The following CHRM2 variants were observed in gnomAD, a reference collection of about 807,000 sequenced individuals.
CHRM2 encodes muscarinic acetylcholine receptor M2.
In CHRM2, 8 loss-of-function variants were observed where a neutral mutation model predicts 25.0. The observed-to-expected ratio is 0.32, with a 90% confidence interval of 0.19 to 0.58. The LOEUF (loss-of-function observed/expected upper bound fraction) is 0.58, where lower values mean the gene tolerates loss of function less well. Among genes scored for constraint, CHRM2 ranks in the 20% least tolerant of loss-of-function variants. CHRM2 has a pLI of 0.88. For synonymous variants in CHRM2, 202 were observed against 205.7 expected (o/e 0.98, Z 0.15); for missense variants, 440 against 567.1 (o/e 0.78, Z 2.28).
chr7:137,000,558 AGG>A, intron 3 of CHRM2, among the ~76,000 whole-genome samples: 1 of 147,006 alleles, frequency 6.8e-6, no homozygotes, highest in Non-Finnish European at 1.5e-5. Flanking sequence ...GAAGGAAGGA[AGG>A]AAGGAAGGAA....
intron 2 of CHRM2, among the ~76,000 whole-genome samples, chr7:136,880,450 C>T (rs1281324916): frequency 6.6e-6 from 1 of 151,890 alleles, no homozygotes; most frequent in South Asian, 2.1e-4. Flanking sequence ...TTGCAGTAAA[C>T]ATTTGACTAC....
intron 2 of CHRM2, chr7:136,899,854 G>C (rs1470573487): frequency 6.6e-6 from 1 of 152,016 alleles, no homozygotes; most frequent in African/African-American, 2.4e-5. Flanking sequence ...CAGGAGTTAT[G>C]GGCTAGGTGA....
intron 2 of CHRM2, among the ~76,000 whole-genome samples, chr7:136,905,971 ATTTG>A (rs1316395980): frequency 6.6e-6 from 1 of 151,126 alleles, no homozygotes; most frequent in Non-Finnish European, 1.5e-5. Context: ...TCAAATTAGC[ATTTG>A]TTTATTTCAC....
intron 2 of CHRM2, among the ~76,000 whole-genome samples, chr7:136,971,788 T>C (rs1452109787): frequency 2.2e-5 from 3 of 136,624 alleles, no homozygotes; most frequent in Non-Finnish European, 4.9e-5. Context: ...AAGAGTTTGG[T>C]AAAAATCTGC....
intron 3 of CHRM2, among the ~76,000 whole-genome samples, chr7:137,008,005 T>C (rs324647): frequency 0.14 from 21,923 of 152,086 alleles, 1,914 homozygotes; most frequent in African/African-American, 0.22. Context: ...TTAGTGGGAT[T>C]AACTGAATAT....
chr7:136,994,575 G>C (rs1398504335), intron 3 of CHRM2, among the ~76,000 whole-genome samples: 1 of 117,840 alleles, frequency 8.5e-6, no homozygotes, highest in African/African-American at 3.4e-5. Context: ...TTGTTGCCTA[G>C]GCTGAAGTGC....
intron 2 of CHRM2, among the ~76,000 whole-genome samples, chr7:136,946,982 C>T (rs527757842): frequency 6.6e-6 from 1 of 152,222 alleles, no homozygotes; most frequent in East Asian, 1.9e-4. Flanking sequence ...AGATGGTATG[C>T]CCAGGGGAGC....
Position 137,019,236 on chromosome 7 carries a change from A to G in CHRM2, c.*2970A>G, listed in dbSNP as rs1419031910. The stretch of plus-strand genomic sequence containing the variant: ...ATTCCTCACCTGTTAGAAAAAGGTA[A>G]TACTCACCAACCATGTATCAGAAAA... On this transcript the variant is annotated 3_prime_UTR_variant, in exon 4 of 4. Transcript: ENST00000680005. 1 of 151,908 alleles carries G rather than the reference A, an allele frequency of 6.6e-6. No homozygotes were observed. The highest frequency in any genetic ancestry group is 1.5e-5 in the Non-Finnish European group (1 of 67,918). The allele number at this position is 151,908 out of a possible 1,614,324, so 9.4% of individuals were successfully genotyped here.
At chr7:136,907,636 T>C (rs1797625738) in intron 2 of CHRM2, among the ~76,000 whole-genome samples, 1 of 152,082 alleles carries the variant, frequency 6.6e-6, no homozygotes, top group Non-Finnish European at 1.5e-5. Flanking sequence ...GCAGCTTATG[T>C]AATATGCTTC....
intron 2 of CHRM2, among the ~76,000 whole-genome samples, chr7:136,960,063 G>A (rs1297079991): frequency 6.6e-6 from 1 of 152,216 alleles, no homozygotes; most frequent in Non-Finnish European, 1.5e-5. Flanking sequence ...GAGGGAGGGA[G>A]TAGCTGTGTG....
chr7:136,870,669 TGGA>T (rs958774004), intron 2 of CHRM2: 21 of 152,566 alleles, frequency 1.4e-4, no homozygotes, highest in East Asian at 3.9e-4. Context: ...GCAGAGAGGC[TGGA>T]GGAGAACAGA....
chr7:136,973,112 C>T (rs1417840241), intron 2 of CHRM2, among the ~76,000 whole-genome samples: 2 of 44,524 alleles, frequency 4.5e-5, no homozygotes, highest in South Asian at 1.8e-3. Flanking sequence ...ATGATGGTGA[C>T]GGTGTTAGGG....
chr7:137,016,569 T>C lies in CHRM2; in HGVS notation c.*303T>C, dbSNP rs1037070753. ...TGAAGAAGGGCTTCTGATTCTACAA[T>C]TTTATCAGTCTCTGCACAAGAGGAA... On this transcript the variant is annotated 3_prime_UTR_variant, in exon 4 of 4. Coordinates refer to ENST00000680005, the MANE Select transcript of CHRM2 (RefSeq NM_001006630.2). The C allele has an allele frequency of 1.4e-4, 53 of 366,632 alleles. No homozygotes were observed. The highest frequency in any genetic ancestry group is 2.7e-4 in the Non-Finnish European group (51 of 188,054). The allele number at this position is 366,632 out of a possible 1,614,324, so 22.7% of individuals were successfully genotyped here. A position where few individuals can be genotyped will look rare whatever the true frequency, so the allele number is the denominator to read the frequency against.
chr7:136,972,117 T>A (rs1323337589), intron 2 of CHRM2, among the ~76,000 whole-genome samples: 1 of 152,154 alleles, frequency 6.6e-6, no homozygotes, highest in East Asian at 1.9e-4. Flanking sequence ...TTTTGGGCAA[T>A]GTCAGTATGC....
chr7:136,889,047 C>CAAAAAAAAAAA (rs56915229), intron 2 of CHRM2, among the ~76,000 whole-genome samples: 1 of 66,494 alleles, frequency 1.5e-5, no homozygotes, highest in African/African-American at 6.8e-5. Flanking sequence ...GACTACATCT[C>CAAAAAAAAAAA]AAAAAAAAAA....
At chr7:137,012,047 A>G (rs1056824652) in intron 3 of CHRM2, among the ~76,000 whole-genome samples, 12 of 152,100 alleles carry the variant, frequency 7.9e-5, no homozygotes, top group African/African-American at 2.7e-4. Flanking sequence ...AAATCTTTTA[A>G]AAACTAGAAT....
intron 2 of CHRM2, among the ~76,000 whole-genome samples, chr7:136,950,007 A>G (rs539467709): frequency 3.9e-5 from 6 of 152,084 alleles, no homozygotes; most frequent in Non-Finnish European, 8.8e-5. Context: ...CATTCTTTCC[A>G]TCATCTGGTA....
At chr7:136,931,966 T>C (rs1362849875) in intron 2 of CHRM2, among the ~76,000 whole-genome samples, 1 of 152,172 alleles carries the variant, frequency 6.6e-6, no homozygotes, top group African/African-American at 2.4e-5. Context: ...TTAATTAAGG[T>C]TGCCTTAGAA....
intron 2 of CHRM2, among the ~76,000 whole-genome samples, chr7:136,933,623 T>C (rs756728637): frequency 1.4e-4 from 22 of 152,212 alleles, no homozygotes; most frequent in Non-Finnish European, 2.5e-4. Context: ...TACATGAATG[T>C]TCACAGCAGT....
Sources: gnomAD v4.1 joint callset for allele counts (sites outside exome capture counted in the v4.1 genomes callset) on GRCh38, gnomAD v4.1.1 for gene constraint, MANE v1.5 for transcripts, NCBI Gene and HGNC (gene_info 2026-07-23, HGNC 2026-07-21) for gene names.